CIC: variants seen among roughly 807,000 people sequenced by gnomAD.
CIC encodes the protein protein capicua homolog.
CIC carries 18 observed loss-of-function variants against 115.7 expected under a neutral mutation model. The ratio of observed to expected loss-of-function variants is 0.16; its 90% confidence interval spans 0.11 to 0.23. The LOEUF is 0.23. CIC is among the 10% of genes least tolerant of loss of function. CIC has a pLI of 1.00. For missense variants in CIC, 2,000 were observed against 2,159.3 expected, an observed-to-expected ratio of 0.93 and a Z score of 1.46; for synonymous variants, 1,076 against 923.0, an observed-to-expected ratio of 1.17 and a Z score of -3.01.
chr19:42,271,407 G>A (rs1375773580), intron 1 of CIC, among the ~76,000 whole-genome samples: 1 of 152,208 alleles, frequency 6.6e-6, no homozygotes, highest in Non-Finnish European at 1.5e-5. Flanking sequence ...CTGTTGTGAG[G>A]ATGAAACAGG....
chr19:42,287,593 A>G lies in CIC; in HGVS notation c.3358A>G (p.Ser1120Gly). Residue 1120 changes from serine to glycine, a missense_variant, in exon 6 of 21, where the codon AGC (serine) becomes GGC (glycine). Coordinates refer to ENST00000681038, the MANE Select transcript of CIC (RefSeq NM_001386298.1). This position sits in a 1 kb window ranked among gnomAD's most constrained non-coding sequence, Gnocchi z 8.7. ...GCCCATGAATGCCTTCATGATCTTC[A>G]GCAAGCGGCACCGGGCCCTGGTCCA... ...RRPMNAFMIF[S>G]KRHRALVHQR... 1 of 1,613,862 alleles carries G rather than the reference A, an allele frequency of 6.2e-7. No individual in the cohort carries two copies. The highest frequency in any genetic ancestry group is 8.5e-7 in the Non-Finnish European group (1 of 1,180,036).
Position 42,295,006 on chromosome 19 carries a change from G to A in CIC, c.7369G>A (p.Ala2457Thr), listed in dbSNP as rs772195573. Residue 2457 changes from alanine (A) to threonine (T), a missense_variant, in exon 21 of 21, where the codon GCC becomes ACC. Coordinates refer to ENST00000681038, the MANE Select transcript of CIC (RefSeq NM_001386298.1). Reference protein sequence around the residue: ...PPPTGTAAAPAPTPSPAGGPD... With the variant: ...PPPTGTAAAPTPTPSPAGGPD... ...CCCCACTGGCACCGCTGCTGCCCCT[G>A]CCCCCACTCCCAGCCCCGCAGGGGG... 1.9e-6 allele frequency: 3 copies of A among 1,581,926 alleles called. No homozygotes were observed. Among genetic ancestry groups the A allele is most frequent in the Non-Finnish European group, 1.7e-6 (2 of 1,173,638 alleles).
At position 42,290,612 on chromosome 19, in the gene CIC, C is replaced by CA. The variant is rs1568514305; in HGVS notation, c.4572dup (p.Val1525SerfsTer74). 1 of 1,613,862 alleles carries CA rather than the reference C, an allele frequency of 6.2e-7. No homozygotes were observed. The highest frequency in any genetic ancestry group is 1.7e-5 in the Admixed American group (1 of 60,030). On this transcript the variant is annotated frameshift_variant, in exon 11 of 21. Coordinates refer to ENST00000681038, the MANE Select transcript of CIC (RefSeq NM_001386298.1). LOFTEE classifies it high-confidence loss of function. ...GGTGGCCTGGAGCCACCAGGCCCCT[C>CA]AGTCATCGCGGCCCCTCCCAGCGGA... is the stretch of plus-strand genomic sequence containing the variant.
rs558900422 is a variant in CIC at position 42,295,290 on chromosome 19, G to A, written c.*99G>A. ...ATCTCCTCCCGGGTAAAGCCATTTC[G>A]TCCTCTCCAGTTTGGGGCGGAATGA... On this transcript the variant is annotated 3_prime_UTR_variant, in exon 21 of 21. Coordinates refer to ENST00000681038, the MANE Select transcript of CIC (RefSeq NM_001386298.1). 28 of 1,102,432 alleles carry A rather than the reference G, an allele frequency of 2.5e-5. No individual in the cohort carries two copies. The African/African-American group carries it at 3.6e-4, about 14-fold the overall frequency. The allele number at this position is 1,102,432 out of a possible 1,614,324, so 68.3% of individuals were successfully genotyped here.
At chr19:42,293,323 T>C in intron 16 of CIC, 42 bp downstream of exon 16, 1 of 1,525,718 alleles carries the variant, frequency 6.6e-7, no homozygotes, top group African/African-American at 1.4e-5. Flanking sequence ...GCCACTTGGC[T>C]GTGCCTCTCC....
At chr19:42,284,567 C>CGGG (rs531450546) in intron 2 of CIC, 3 of 132,784 alleles carry the variant, frequency 2.3e-5, no homozygotes, top group East Asian at 1.0e-4. Flanking sequence ...AGGGGGGCGG[C>CGGG]GGGGGGGGGG....
Position 42,295,011 on chromosome 19 carries a change from C to A in CIC, c.7374C>A (p.Pro2458=), listed in dbSNP as rs2147357707. The A allele has an allele frequency of 6.3e-7, 1 of 1,592,960 alleles. No homozygotes were observed. The highest frequency in any genetic ancestry group is 2.2e-5 in the East Asian group (1 of 44,568). Residue 2458 remains proline, a synonymous_variant, in exon 21 of 21, where the codon CCC becomes CCA. Transcript: ENST00000681038. The stretch of plus-strand genomic sequence containing the variant: ...CTGGCACCGCTGCTGCCCCTGCCCC[C>A]ACTCCCAGCCCCGCAGGGGGCCCTG... ...PPTGTAAAPA[P]TPSPAGGPDP...
rs754714154 is a variant in CIC, at chr19:42,292,655, G to A, written c.5992G>A (p.Gly1998Ser). 3.1e-6 allele frequency: 5 copies of A among 1,613,824 alleles called. No homozygotes were observed. In the South Asian group the frequency reaches 4.4e-5, roughly 14 times the overall value. The change falls in exon 15 of 21, where the codon GGT becomes AGT. Residue 1998 changes from glycine (G) to serine (S), a missense_variant. Coordinates refer to ENST00000681038, the MANE Select transcript of CIC (RefSeq NM_001386298.1). ...GCCGCCTGCCTGTGCAGCCCCCGGAGGTCCTGTCATAACAGCATTTTACTC... is the reference window on the plus strand; with the variant it reads ...GCCGCCTGCCTGTGCAGCCCCCGGAAGTCCTGTCATAACAGCATTTTACTC... ...QLPPACAAPG[G>S]PVITAFYSGS...
Position 42,291,090 on chromosome 19 carries a change from G to A in CIC, c.5049G>A (p.Ala1683=), listed in dbSNP as rs370824841. Reference sequence around the variant, plus strand: ...GCACCCCGGGGTATGGGGCCCCTGCGCCCCCTGCTGTCCAGTTCATTGCCC... The same window carrying A: ...GCACCCCGGGGTATGGGGCCCCTGCACCCCCTGCTGTCCAGTTCATTGCCC... ...LVGTPGYGAP[A]PPAVQFIAQG... Residue 1683 remains alanine, a synonymous_variant, in exon 11 of 21, where the codon GCG becomes GCA. Coordinates refer to ENST00000681038, the MANE Select transcript of CIC (RefSeq NM_001386298.1). 142 of 1,613,546 alleles carry A rather than the reference G, an allele frequency of 8.8e-5. 3 individuals are homozygous for A. The highest frequency in any genetic ancestry group is 3.5e-4 in the African/African-American group (26 of 75,004).
chr19:42,283,927 G>GGCCTGACCCGCGCGCGGCGGC (rs2037397308), intron 2 of CIC: 1 of 151,100 alleles, frequency 6.6e-6, no homozygotes, highest in Non-Finnish European at 1.5e-5. Flanking sequence ...GGCGCGGCGG[G>GGCCTGACCCGCGCGCGGCGGC]GCCTGACCCG....
Position 42,287,898 on chromosome 19 carries a change from G to A in CIC, c.3581G>A (p.Ser1194Asn). 1 of 1,610,384 alleles carries A rather than the reference G, an allele frequency of 6.2e-7. No homozygotes were observed. The highest frequency in any genetic ancestry group is 8.5e-7 in the Non-Finnish European group (1 of 1,178,396). ...KKSSSEAKPTSLGLAGGHKET... is the reference protein window; with the variant it reads ...KKSSSEAKPTNLGLAGGHKET... ...TCCAGCTCAGAGGCCAAGCCCACGAGCCTGGGGCTGGCAGGAGGGCACAAG... is the reference window on the plus strand; with the variant it reads ...TCCAGCTCAGAGGCCAAGCCCACGAACCTGGGGCTGGCAGGAGGGCACAAG... Residue 1194 changes from serine to asparagine, a missense_variant, in exon 7 of 21, where the codon AGC becomes AAC. Ser to Asn is a conservative substitution (Grantham distance 46, BLOSUM62 1). Around this residue, in one of 8 missense-constraint regions of CIC, gnomAD observed 38 missense variants for 50.3 expected, o/e 0.76. Transcript: ENST00000681038. The surrounding 1 kb of genome is among the most constrained non-coding windows in gnomAD (Gnocchi z 8.7).
Position 42,295,143 on chromosome 19 carries a change from G to GGGCCGCCCCCC in CIC, c.7506_7507insGGCCGCCCCCC (p.Pro2503GlyfsTer30). 7.2e-7 allele frequency: 1 copy of GGGCCGCCCCCC among 1,382,736 alleles called. No individual in the cohort carries two copies. The highest frequency in any genetic ancestry group is 9.6e-7 in the Non-Finnish European group (1 of 1,037,824). 85.7% of individuals were successfully genotyped at this position (1,382,736 alleles called of 1,614,324 possible). A position where few individuals can be genotyped will look rare whatever the true frequency, so the allele number is the denominator to read the frequency against. ...AGCCTGGCTGGGAGGGGGCTCCCCA[G>GGGCCGCCCCCC]CCCTCCCCCCCACCCCCAGGTCCCT... On this transcript the variant is annotated frameshift_variant, in exon 21 of 21. Transcript: ENST00000681038. LOFTEE classifies it high-confidence loss of function.
At chr19:42,279,553 C>CAA (rs137898090) in intron 2 of CIC, among the ~76,000 whole-genome samples, 94 of 152,344 alleles carry the variant, frequency 6.2e-4, no homozygotes, top group African/African-American at 2.2e-3. Context: ...GCTGCATGAG[C>CAA]AAAGACCAGG....
intron 9 of CIC, 30 bp from the exon 10 acceptor site, chr19:42,289,818 C>T (rs561068202): frequency 2.6e-6 from 4 of 1,536,932 alleles, no homozygotes; most frequent in Non-Finnish European, 2.7e-6. Context: ...ATCTAGCCCC[C>T]TCCCCATACT....
intron 2 of CIC, among the ~76,000 whole-genome samples, chr19:42,276,224 A>G (rs28537976): frequency 0.069 from 10,544 of 152,194 alleles, 435 homozygotes; most frequent in Middle Eastern, 0.16. Flanking sequence ...AAAGTCAAAG[A>G]CTCTAAATGG....
chr19:42,288,054 C>T (rs1206712720), intron 7 of CIC, 79 bp downstream of exon 7: 3 of 1,486,030 alleles, frequency 2.0e-6, no homozygotes, highest in Non-Finnish European at 2.7e-6. Flanking sequence ...TTGCTCCTCC[C>T]CTGCCCCAGC....
At chr19:42,279,302 G>C (rs1375200257) in intron 2 of CIC, among the ~76,000 whole-genome samples, 1 of 152,166 alleles carries the variant, frequency 6.6e-6, no homozygotes, top group African/African-American at 2.4e-5. Context: ...GCCCAGGGCT[G>C]AGCAGTCCTG....
At chr19:42,293,363 T>G (rs548882669) in intron 16 of CIC, 82 bp downstream of exon 16, 3 of 1,437,484 alleles carry the variant, frequency 2.1e-6, no homozygotes, top group Middle Eastern at 2.2e-4. Context: ...TGTCCTACTC[T>G]TCTTTCCATG....
Position 42,290,374 on chromosome 19 carries a change from G to T in CIC, c.4333G>T (p.Ala1445Ser). 6.2e-7 allele frequency: 1 copy of T among 1,613,966 alleles called. No homozygotes were observed. The highest frequency in any genetic ancestry group is 8.5e-7 in the Non-Finnish European group (1 of 1,179,946). Residue 1445 changes from alanine to serine, a missense_variant, in exon 11 of 21, where the codon GCG becomes TCG. Physicochemically the swap from Ala to Ser is moderately conservative, Grantham distance 99. Transcript: ENST00000681038. ...KGYGSAPSSS[A>S]SSPASSSASA... is the part of the protein sequence containing the mutation. ...CTATGGTTCCGCCCCATCCTCCTCT[G>T]CGTCCTCGCCTGCTTCCTCCTCAGC...
Sources: allele counts gnomAD v4.1 joint callset (sites outside exome capture counted in the v4.1 genomes callset), GRCh38; gene constraint gnomAD v4.1.1; regional missense constraint gnomAD v4.1.1; non-coding constraint Gnocchi (gnomAD v3.1); transcripts MANE v1.5; gene names NCBI Gene and HGNC (gene_info 2026-07-23, HGNC 2026-07-21).